Variants in SLC16A10 observed in about 807,000 individuals in gnomAD.
SLC16A10 encodes the protein monocarboxylate transporter 10.
A neutral mutation model predicts 40.0 loss-of-function variants in SLC16A10; 27 were observed. That is an observed-to-expected ratio of 0.67 (90% CI 0.50 to 0.93). The LOEUF (loss-of-function observed/expected upper bound fraction) is 0.93, where lower values mean the gene tolerates loss of function less well. Among genes scored for constraint, SLC16A10 ranks in the 40% least tolerant of loss-of-function variants. The probability of loss-of-function intolerance (pLI) is 0.00; values close to 1 mark genes in which losing one functional copy is unlikely to be tolerated. For synonymous variants in SLC16A10, 213 were observed against 249.8 expected (o/e 0.85, Z 1.39); for missense variants, 529 against 658.2 (o/e 0.80, Z 2.15).
chr6:111,115,748 G>A (rs1280558360), intron 1 of SLC16A10, among the ~76,000 whole-genome samples: 1 of 151,998 alleles, frequency 6.6e-6, no homozygotes, highest in Non-Finnish European at 1.5e-5. Context: ...CTAGAGATCT[G>A]ATAAAGAGGC....
intron 3 of SLC16A10, among the ~76,000 whole-genome samples, chr6:111,183,419 A>G (rs528596700): frequency 6.6e-5 from 10 of 152,342 alleles, no homozygotes; most frequent in South Asian, 6.2e-4. Flanking sequence ...GTAAGGATCT[A>G]TTTCATTCAG....
At chr6:111,165,906 G>A (rs1003817175) in intron 1 of SLC16A10, among the ~76,000 whole-genome samples, 7 of 152,170 alleles carry the variant, frequency 4.6e-5, no homozygotes, top group African/African-American at 1.4e-4. Context: ...GTCCTTCCAC[G>A]TGGTTACAAG....
intron 1 of SLC16A10, among the ~76,000 whole-genome samples, chr6:111,098,988 T>G (rs1771125259): frequency 6.6e-6 from 1 of 152,070 alleles, no homozygotes; most frequent in South Asian, 2.1e-4. Context: ...GTCTCCTTCT[T>G]CTCAGAGAAA....
chr6:111,157,386 C>T (rs550119419), intron 1 of SLC16A10, among the ~76,000 whole-genome samples: 35 of 151,966 alleles, frequency 2.3e-4, no homozygotes, highest in Non-Finnish European at 4.1e-4. Flanking sequence ...CGGGTTCAAG[C>T]GATTCTCCTG....
chr6:111,159,968 T>C (rs373898390), intron 1 of SLC16A10, among the ~76,000 whole-genome samples: 3 of 152,318 alleles, frequency 2.0e-5, no homozygotes, highest in African/African-American at 7.2e-5. Flanking sequence ...TTTTTAAAAT[T>C]GAGTTGCTTG....
intron 1 of SLC16A10, among the ~76,000 whole-genome samples, chr6:111,157,273 G>C (rs1772287536): frequency 1.3e-5 from 2 of 151,902 alleles, no homozygotes; most frequent in African/African-American, 2.4e-5. Flanking sequence ...GTACTATTGA[G>C]ATAAAACTTG....
intron 4 of SLC16A10, among the ~76,000 whole-genome samples, chr6:111,212,808 T>TA (rs930489979): frequency 6.1e-4 from 20 of 32,934 alleles, no homozygotes; most frequent in South Asian, 1.5e-3. Context: ...AATAAAAAAA[T>TA]AAAAAAAAAT....
At chr6:111,195,443 CAATGTA>C (rs1773064288) in intron 3 of SLC16A10, among the ~76,000 whole-genome samples, 1 of 151,890 alleles carries the variant, frequency 6.6e-6, no homozygotes, top group South Asian at 2.1e-4. Context: ...AGTTGTACAA[CAATGTA>C]AATGTACTTA....
At chr6:111,115,370 G>A (rs1356801892) in intron 1 of SLC16A10, among the ~76,000 whole-genome samples, 3 of 152,098 alleles carry the variant, frequency 2.0e-5, no homozygotes, top group Non-Finnish European at 2.9e-5. Context: ...CCATCACGCC[G>A]GCTAATTTTT....
intron 1 of SLC16A10, among the ~76,000 whole-genome samples, chr6:111,090,194 A>T (rs1008976580): frequency 6.6e-6 from 1 of 151,902 alleles, no homozygotes; most frequent in Non-Finnish European, 1.5e-5. Flanking sequence ...CAACTTTTTC[A>T]GTCATGTTTG....
chr6:111,121,021 A>T (rs1268457571), intron 1 of SLC16A10, among the ~76,000 whole-genome samples: 1 of 152,136 alleles, frequency 6.6e-6, no homozygotes, highest in Middle Eastern at 3.2e-3. Flanking sequence ...AAAAATATAT[A>T]TTTTTGTCAA....
chr6:111,095,612 A>G (rs1771060127), intron 1 of SLC16A10, among the ~76,000 whole-genome samples: 1 of 152,090 alleles, frequency 6.6e-6, no homozygotes, highest in Non-Finnish European at 1.5e-5. Context: ...TGTAGCTCCC[A>G]TAATCCACAC....
intron 4 of SLC16A10, among the ~76,000 whole-genome samples, chr6:111,217,954 A>G (rs1211109676): frequency 6.6e-6 from 1 of 152,192 alleles, no homozygotes; most frequent in Admixed American, 6.5e-5. Flanking sequence ...CCTCTAGCAC[A>G]TAGCACAGTG....
intron 1 of SLC16A10, among the ~76,000 whole-genome samples, chr6:111,135,436 T>C (rs1292442304): frequency 6.6e-6 from 1 of 152,100 alleles, no homozygotes; most frequent in Non-Finnish European, 1.5e-5. Flanking sequence ...CAACAGACAG[T>C]GGAGGTTAGT....
intron 1 of SLC16A10, among the ~76,000 whole-genome samples, chr6:111,141,562 G>A (rs201206183): frequency 1.3e-5 from 2 of 151,910 alleles, no homozygotes; most frequent in Admixed American, 1.3e-4. Flanking sequence ...CTTGGGAGGC[G>A]GAGGCAGGAG....
chr6:111,171,257 C>A (rs1175304698), intron 1 of SLC16A10, among the ~76,000 whole-genome samples: 2 of 152,218 alleles, frequency 1.3e-5, no homozygotes. Context: ...ACTTTTGAAT[C>A]CCTGTCACCA....
At chr6:111,177,916 G>A (rs1772716414) in intron 3 of SLC16A10, among the ~76,000 whole-genome samples, 1 of 152,138 alleles carries the variant, frequency 6.6e-6, no homozygotes, top group Admixed American at 6.5e-5. Flanking sequence ...CATGGTGCCT[G>A]TCTATGGTCC....
chr6:111,172,981 CTG>C (rs1772614520), intron 2 of SLC16A10, 142 bp downstream of exon 2: 2 of 1,071,206 alleles, frequency 1.9e-6, no homozygotes, highest in African/African-American at 3.2e-5. Context: ...ATAAAACAAA[CTG>C]TTATCCATAG....
At chr6:111,140,521 C>T (rs1194372994) in intron 1 of SLC16A10, among the ~76,000 whole-genome samples, 1 of 152,092 alleles carries the variant, frequency 6.6e-6, no homozygotes, top group African/African-American at 2.4e-5. Flanking sequence ...CTTCACTCCC[C>T]CACCACTCTA....
Sources: allele counts gnomAD v4.1 joint callset (sites outside exome capture counted in the v4.1 genomes callset), GRCh38; gene constraint gnomAD v4.1.1; transcripts MANE v1.5; gene names NCBI Gene and HGNC (gene_info 2026-07-23, HGNC 2026-07-21).